ZNRF1: variants seen among roughly 807,000 people sequenced by gnomAD.
ZNRF1 encodes the protein E3 ubiquitin-protein ligase ZNRF1.
A neutral mutation model predicts 18.4 loss-of-function variants in ZNRF1; 3 were observed. The ratio of observed to expected loss-of-function variants is 0.16; its 90% CI spans 0.07 to 0.42. The LOEUF (loss-of-function observed/expected upper bound fraction) is 0.42, where lower values mean the gene tolerates loss of function less well. ZNRF1 is among the 10% of genes least tolerant of loss of function. ZNRF1 has a pLI of 0.99. For synonymous variants in ZNRF1, 157 were observed against 144.2 expected (o/e 1.09, Z -0.64); for missense variants, 310 against 329.8 (o/e 0.94, Z 0.47).
chr16:75,059,768 C>T (rs114807525), intron 1 of ZNRF1, among the ~76,000 whole-genome samples: 1 of 152,114 alleles, frequency 6.6e-6, no homozygotes. Flanking sequence ...TCAATTTAAA[C>T]ATGGACTAAA....
intron 1 of ZNRF1, among the ~76,000 whole-genome samples, chr16:75,031,583 C>T (rs374086056): frequency 1.3e-5 from 2 of 152,124 alleles, no homozygotes; most frequent in African/African-American, 4.8e-5. Flanking sequence ...TCTCAGCTCA[C>T]TGCAGCCTGA....
chr16:75,048,762 G>A (rs1009208305), intron 1 of ZNRF1, among the ~76,000 whole-genome samples: 5 of 152,124 alleles, frequency 3.3e-5, no homozygotes, highest in East Asian at 1.9e-4. Context: ...GGCTTGGTTC[G>A]GGTGATCTCT....
At chr16:75,021,880 A>T (rs1396922255) in intron 1 of ZNRF1, among the ~76,000 whole-genome samples, 1 of 152,178 alleles carries the variant, frequency 6.6e-6, no homozygotes, top group African/African-American at 2.4e-5. Flanking sequence ...ATTATCATCT[A>T]GTTATCTCTT....
At chr16:75,098,926 T>G (rs1459832516) in intron 2 of ZNRF1, among the ~76,000 whole-genome samples, 1 of 152,050 alleles carries the variant, frequency 6.6e-6, no homozygotes, top group Admixed American at 6.5e-5. Flanking sequence ...GCCAGAACTC[T>G]GCAGAATACT....
At chr16:75,026,189 G>T (rs1047650815) in intron 1 of ZNRF1, among the ~76,000 whole-genome samples, 11 of 151,912 alleles carry the variant, frequency 7.2e-5, no homozygotes, top group Non-Finnish European at 1.5e-4. Flanking sequence ...AGTTGTAAAA[G>T]AACTCTCATC....
intron 1 of ZNRF1, among the ~76,000 whole-genome samples, chr16:75,048,112 G>C (rs895704716): frequency 5.9e-5 from 9 of 152,012 alleles, no homozygotes; most frequent in Non-Finnish European, 1.0e-4. Context: ...CGCCACGTCT[G>C]GCTGATTTTT....
intron 1 of ZNRF1, among the ~76,000 whole-genome samples, chr16:75,052,789 C>A (rs1254795122): frequency 6.6e-6 from 1 of 152,230 alleles, no homozygotes; most frequent in East Asian, 1.9e-4. Flanking sequence ...ATACAGCCTT[C>A]CCTCCATCGA....
chr16:75,014,337 T>C (rs1487397984), intron 1 of ZNRF1, among the ~76,000 whole-genome samples: 8 of 152,202 alleles, frequency 5.3e-5, no homozygotes, highest in Admixed American at 5.2e-4. Flanking sequence ...TTGCTCCCTG[T>C]AGCTATCCAA....
At chr16:75,093,796 C>T in intron 2 of ZNRF1, 129 bp downstream of exon 2, 3 of 673,454 alleles carry the variant, frequency 4.5e-6, no homozygotes, top group East Asian at 2.8e-5. Context: ...AGGTGTGCCT[C>T]AGTGGTGGTG....
intron 1 of ZNRF1, among the ~76,000 whole-genome samples, chr16:75,015,946 G>A (rs1056649157): frequency 5.5e-5 from 8 of 145,984 alleles, no homozygotes; most frequent in African/African-American, 2.1e-4. Flanking sequence ...TTGAGACGGA[G>A]TGTTGCTCTG....
At chr16:75,036,783 G>T (rs1157834406) in intron 1 of ZNRF1, among the ~76,000 whole-genome samples, 1 of 152,132 alleles carries the variant, frequency 6.6e-6, no homozygotes, top group African/African-American at 2.4e-5. Context: ...GTATATGTTT[G>T]TATGTATGTA....
intron 1 of ZNRF1, among the ~76,000 whole-genome samples, chr16:75,015,414 A>G (rs2035052977): frequency 1.3e-5 from 2 of 152,162 alleles, no homozygotes; most frequent in African/African-American, 2.4e-5. Flanking sequence ...CATCTCTACT[A>G]AAAATACAAA....
intron 1 of ZNRF1, among the ~76,000 whole-genome samples, chr16:75,083,781 A>G (rs181755807): frequency 6.6e-6 from 1 of 152,254 alleles, no homozygotes; most frequent in Non-Finnish European, 1.5e-5. Flanking sequence ...TGCACTCCAG[A>G]GAAAATGCAC....
At position 75,080,616 on chromosome 16, in the gene ZNRF1, G is replaced by A. The variant is rs533989668; in HGVS notation, c.425-12956G>A. Among the ~76,000 whole-genome samples, 48 of 152,120 alleles carry A rather than the reference G, an allele frequency of 3.2e-4. No individual in the cohort carries two copies. In the East Asian group the frequency reaches 9.1e-3, roughly 29 times the overall value. ...CATTGTCCTTTTCCCTTCCCTAACT[G>A]TTTTTCCCCTTTTCCCCTCCAAACA... is the stretch of plus-strand genomic sequence containing the variant. On this transcript the variant is annotated intron_variant, in intron 1 of 4. Coordinates refer to ENST00000335325, the MANE Select transcript of ZNRF1 (RefSeq NM_032268.5).
At chr16:75,039,325 A>T (rs1477327562) in intron 1 of ZNRF1, among the ~76,000 whole-genome samples, 3 of 152,172 alleles carry the variant, frequency 2.0e-5, no homozygotes, top group Non-Finnish European at 4.4e-5. Context: ...GTGAATAAAT[A>T]TAAGTTGCTT....
intron 1 of ZNRF1, among the ~76,000 whole-genome samples, chr16:75,003,044 C>T (rs2034873171): frequency 6.6e-6 from 1 of 152,242 alleles, no homozygotes. Context: ...GTCTCCGCCT[C>T]CCGGGTTCAA....
At chr16:75,093,470 A>G (rs2036164481) in intron 1 of ZNRF1, 102 bp from the exon 2 acceptor site, 3 of 876,602 alleles carry the variant, frequency 3.4e-6, no homozygotes, top group Non-Finnish European at 3.8e-6. Flanking sequence ...CATCCTCCAC[A>G]TTGACCCTGA....
At chr16:75,017,676 C>T (rs1488718267) in intron 1 of ZNRF1, among the ~76,000 whole-genome samples, 1 of 152,210 alleles carries the variant, frequency 6.6e-6, no homozygotes, top group Non-Finnish European at 1.5e-5. Context: ...CATTGTTGGT[C>T]TGTATCCTTA....
intron 1 of ZNRF1, among the ~76,000 whole-genome samples, chr16:75,077,009 G>T (rs1312545438): frequency 6.6e-6 from 1 of 152,074 alleles, no homozygotes; most frequent in Non-Finnish European, 1.5e-5. Context: ...CGTCCAGTCT[G>T]CAGTATTTTG....
Sources: gnomAD v4.1 joint callset for allele counts (sites outside exome capture counted in the v4.1 genomes callset) on GRCh38, gnomAD v4.1.1 for gene constraint, MANE v1.5 for transcripts, NCBI Gene and HGNC (gene_info 2026-07-23, HGNC 2026-07-21) for gene names.